Variants in MAMDC2 observed in about 807,000 individuals in gnomAD.
MAMDC2 encodes MAM domain containing 2.
In MAMDC2, 57 loss-of-function variants were observed where a neutral mutation model predicts 89.8. The ratio of observed to expected loss-of-function variants is 0.63; its 90% CI spans 0.51 to 0.79. MAMDC2 has a LOEUF of 0.79. Among genes scored for constraint, MAMDC2 ranks in the 30% least tolerant of loss-of-function variants. The probability of loss-of-function intolerance (pLI) is 0.00; values close to 1 mark genes in which losing one functional copy is unlikely to be tolerated. For missense variants in MAMDC2, 800 were observed against 820.6 expected (o/e 0.97, Z 0.31); for synonymous variants, 313 against 293.4 (o/e 1.07, Z -0.68).
At chr9:70,184,945 GAGA>G (rs1385593847) in intron 11 of MAMDC2, among the ~76,000 whole-genome samples, 2 of 152,082 alleles carry the variant, frequency 1.3e-5, no homozygotes, top group Non-Finnish European at 2.9e-5. Flanking sequence ...TGATCATTTA[GAGA>G]AGAAGCAGCA....
chr9:70,044,828 C>A (rs1354404902), intron 2 of MAMDC2, 131 bp downstream of exon 2: 6 of 757,884 alleles, frequency 7.9e-6, no homozygotes, highest in Non-Finnish European at 1.3e-5. Flanking sequence ...CATGGATCCT[C>A]CTTCAAGCCC....
intron 11 of MAMDC2, among the ~76,000 whole-genome samples, chr9:70,208,669 T>C (rs533224651): frequency 5.9e-5 from 9 of 152,348 alleles, no homozygotes; most frequent in African/African-American, 2.2e-4. Flanking sequence ...TCCAACACTA[T>C]GCTGAATAGG....
chr9:70,164,387 AAT>A (rs2032094972), intron 9 of MAMDC2, among the ~76,000 whole-genome samples: 1 of 152,136 alleles, frequency 6.6e-6, no homozygotes, highest in Non-Finnish European at 1.5e-5. Flanking sequence ...TTTCTTTGCA[AAT>A]ATGTTTTTAC....
At chr9:70,188,914 AACTTG>A (rs1220965703) in intron 11 of MAMDC2, among the ~76,000 whole-genome samples, 6 of 151,876 alleles carry the variant, frequency 4.0e-5, no homozygotes, top group Non-Finnish European at 7.4e-5. Context: ...CTCAATTAAT[AACTTG>A]ACTTAAGATA....
chr9:70,131,793 G>A (rs2030817094), intron 7 of MAMDC2, among the ~76,000 whole-genome samples, 181 bp downstream of exon 7: 1 of 152,070 alleles, frequency 6.6e-6, no homozygotes, highest in Non-Finnish European at 1.5e-5. Flanking sequence ...CCTCACAGAG[G>A]GAATCTAATG....
intron 7 of MAMDC2, among the ~76,000 whole-genome samples, chr9:70,134,831 T>G (rs2030944914): frequency 6.6e-6 from 1 of 152,158 alleles, no homozygotes; most frequent in Non-Finnish European, 1.5e-5. Flanking sequence ...CCACTGCCTC[T>G]CCTACCCAAG....
At chr9:70,222,379 A>G (rs2033580498) in intron 12 of MAMDC2, among the ~76,000 whole-genome samples, 1 of 152,220 alleles carries the variant, frequency 6.6e-6, no homozygotes, top group Admixed American at 6.5e-5. Context: ...TTCAGGGAAG[A>G]GAACACAGTT....
chr9:70,061,041 C>A lies in MAMDC2; in HGVS notation c.148+16344C>A, dbSNP rs1396808162. Among the ~76,000 whole-genome samples, 5 of 152,272 alleles carry A rather than the reference C, an allele frequency of 3.3e-5. No homozygotes were observed. The East Asian group carries it at 9.6e-4, about 29-fold the overall frequency. On this transcript the variant is annotated intron_variant, in intron 2 of 13. Transcript: ENST00000377182. Reference sequence around the variant, plus strand: ...TGAGTGGCTGGCCCTAATTTTCATGCATCCTTATGCAAATGCACAGTGTGT... The same window carrying A: ...TGAGTGGCTGGCCCTAATTTTCATGAATCCTTATGCAAATGCACAGTGTGT...
chr9:70,068,748 A>AATAGGGAACAGGAAACAAAC (rs1827329059), intron 2 of MAMDC2, among the ~76,000 whole-genome samples: 1 of 145,564 alleles, frequency 6.9e-6, no homozygotes, highest in African/African-American at 2.5e-5. Context: ...AAAAAAAGGC[A>AATAGGGAACAGGAAACAAAC]ATAGGGAACA....
intron 2 of MAMDC2, among the ~76,000 whole-genome samples, chr9:70,100,002 G>GAGAA: frequency 2.0e-5 from 3 of 148,258 alleles, no homozygotes; most frequent in Admixed American, 2.0e-4. Flanking sequence ...GAGAGAGAGA[G>GAGAA]AGAGAGAGAG....
rs1361749936 is a variant in MAMDC2 at position 70,197,376 on chromosome 9, T to G, written c.1652-20961T>G. ...AAATCATTCACACGGCAAGATAAGT[T>G]GGTGGAGGATTTGCCAACATACTTG... On this transcript the variant is annotated intron_variant, in intron 11 of 13. Coordinates refer to ENST00000377182, the MANE Select transcript of MAMDC2 (RefSeq NM_153267.5). Among the ~76,000 whole-genome samples the G allele has an allele frequency of 2.0e-5, 3 of 152,120 alleles. No homozygotes were observed. In the East Asian group the frequency reaches 5.8e-4, roughly 29 times the overall value.
intron 12 of MAMDC2, among the ~76,000 whole-genome samples, chr9:70,224,096 T>G (rs984520268): frequency 6.6e-6 from 1 of 152,184 alleles, no homozygotes; most frequent in Non-Finnish European, 1.5e-5. Flanking sequence ...ATGCTTATTA[T>G]GTGCACTCAG....
At chr9:70,108,762 T>C (rs1299382292) in intron 3 of MAMDC2, among the ~76,000 whole-genome samples, 1 of 152,248 alleles carries the variant, frequency 6.6e-6, no homozygotes, top group African/African-American at 2.4e-5. Context: ...AAATAGATTT[T>C]CTATGGCTTT....
intron 2 of MAMDC2, among the ~76,000 whole-genome samples, chr9:70,102,874 C>T (rs1165632633): frequency 6.6e-6 from 1 of 152,196 alleles, no homozygotes; most frequent in Admixed American, 6.5e-5. Flanking sequence ...TGGTAAATCT[C>T]CCCCAGATCC....
intron 11 of MAMDC2, among the ~76,000 whole-genome samples, chr9:70,177,341 T>C (rs2032530716): frequency 6.6e-6 from 1 of 152,078 alleles, no homozygotes; most frequent in African/African-American, 2.4e-5. Context: ...CATGGAGACA[T>C]TGGACAAAGA....
At chr9:70,121,254 C>CT (rs2030269104) in intron 5 of MAMDC2, among the ~76,000 whole-genome samples, 1 of 152,208 alleles carries the variant, frequency 6.6e-6, no homozygotes, top group South Asian at 2.1e-4. Flanking sequence ...AAAAGTTCAG[C>CT]TAATACAGAG....
chr9:70,074,724 A>G (rs1217422331), intron 2 of MAMDC2, among the ~76,000 whole-genome samples: 1 of 152,222 alleles, frequency 6.6e-6, no homozygotes, highest in African/African-American at 2.4e-5. Context: ...CGCTTGAGGG[A>G]GCAACATAAC....
chr9:70,221,144 T>C (rs1271684064), intron 12 of MAMDC2, among the ~76,000 whole-genome samples: 2 of 151,302 alleles, frequency 1.3e-5, no homozygotes, highest in Non-Finnish European at 2.9e-5. Flanking sequence ...GAATGTAATA[T>C]ATAAAGTTCT....
intron 2 of MAMDC2, chr9:70,083,356 A>G (rs1474799217): frequency 6.6e-6 from 1 of 152,084 alleles, no homozygotes; most frequent in Non-Finnish European, 1.5e-5. Flanking sequence ...TTTGTACTAG[A>G]GTTTTGGAAA....
Sources: gnomAD v4.1 joint callset for allele counts (sites outside exome capture counted in the v4.1 genomes callset) on GRCh38, gnomAD v4.1.1 for gene constraint, MANE v1.5 for transcripts, NCBI Gene and HGNC (gene_info 2026-07-23, HGNC 2026-07-21) for gene names.